The following SLAMF9 variants were observed in gnomAD, a reference collection of about 807,000 sequenced individuals.
SLAMF9 encodes SLAM family member 9.
SLAMF9 carries 25 observed loss-of-function variants against 30.4 expected under a neutral mutation model. That is an observed-to-expected ratio of 0.82 (90% CI 0.60 to 1.15). The LOEUF is 1.15. Among genes scored for constraint, SLAMF9 ranks in the 50% most tolerant of loss-of-function variants. The pLI, the probability that SLAMF9 is intolerant of heterozygous loss-of-function variation, is 0.00. For synonymous variants in SLAMF9, 129 were observed against 127.2 expected (o/e 1.01, Z -0.09); for missense variants, 344 against 346.1 (o/e 0.99, Z 0.05).
chr1:159,964,131 A>G, the SLAMF9 span, among the ~76,000 whole-genome samples: 1 of 152,228 alleles, frequency 6.6e-6, no homozygotes, highest in South Asian at 2.1e-4. Flanking sequence ...GGGAGAAAGC[A>G]GAGTGTGGCT....
chr1:159,955,326 C>A (rs1651899102), upstream of SLAMF9, among the ~76,000 whole-genome samples: 1 of 152,154 alleles, frequency 6.6e-6, no homozygotes, highest in African/African-American at 2.4e-5. Flanking sequence ...AGTATTCAAG[C>A]TAAGAGGACA....
chr1:159,961,815 G>A, the SLAMF9 span, among the ~76,000 whole-genome samples: 17 of 152,178 alleles, frequency 1.1e-4, no homozygotes, highest in East Asian at 3.9e-4. Context: ...ACTGCAGGCC[G>A]CTCACTGGGG....
chr1:159,968,777 A>C, the SLAMF9 span, among the ~76,000 whole-genome samples: 2 of 152,208 alleles, frequency 1.3e-5, no homozygotes, highest in Admixed American at 6.5e-5. Context: ...AGGCCCAGGC[A>C]CGGTGGCTCA....
At chr1:159,975,162 A>G in the SLAMF9 span, among the ~76,000 whole-genome samples, 1 of 152,232 alleles carries the variant, frequency 6.6e-6, no homozygotes, top group Non-Finnish European at 1.5e-5. Flanking sequence ...GGATTTATTC[A>G]TTATTCATTC....
chr1:159,960,081 T>A, the SLAMF9 span, among the ~76,000 whole-genome samples: 1 of 151,836 alleles, frequency 6.6e-6, no homozygotes. Context: ...TTGTTACATA[T>A]GTATACATGT....
chr1:159,958,820 T>C (rs1651982853), upstream of SLAMF9, among the ~76,000 whole-genome samples: 1 of 152,154 alleles, frequency 6.6e-6, no homozygotes, highest in Non-Finnish European at 1.5e-5. Flanking sequence ...CTTCAATTTT[T>C]TTCTCTCACT....
In SLAMF9 at chr1:159,953,408, T is replaced by C. The variant is rs1206104179; in HGVS notation, c.292A>G (p.Ser98Gly). ...CCTGAATCCTCCCAGCTCAGATTGC[T>C]GATATGCAGGGAATAGCTGGGGTCC... Reference protein sequence around the residue: ...FLDPSYSLHISNLSWEDSGLY... With the variant: ...FLDPSYSLHIGNLSWEDSGLY... The change falls in exon 2 of 4, where the codon AGC becomes GGC. Residue 98 changes from serine to glycine, a missense_variant. By Grantham distance (56) the Ser-to-Gly change is moderately conservative. Coordinates refer to ENST00000368093, the MANE Select transcript of SLAMF9 (RefSeq NM_033438.4). 6 of 1,614,134 alleles carry C rather than the reference T, an allele frequency of 3.7e-6. No homozygotes were observed. The highest frequency in any genetic ancestry group is 5.1e-6 in the Non-Finnish European group (6 of 1,180,036).
rs1255149041 is a variant in SLAMF9, at chr1:159,952,494, ACT to A, written c.430_431del (p.Ser144PhefsTer31). On this transcript the variant is annotated frameshift_variant, in exon 3 of 4. Transcript: ENST00000368093. LOFTEE classifies it high-confidence loss of function. ...SEPQITVNFESSGEGACSMSL... is the reference protein window; with the variant it reads ...SEPQITVNFEXSGEGACSMSL... ...ACATACTGCAGGCACCTTCCCCAGAACTCTCAAAGTTCACAGTGATCTGGGGC... is the reference window on the plus strand; with the variant it reads ...ACATACTGCAGGCACCTTCCCCAGAACTCAAAGTTCACAGTGATCTGGGGC... 4 of 1,613,846 alleles carry A rather than the reference ACT, an allele frequency of 2.5e-6. No individual in the cohort carries two copies. Among genetic ancestry groups the A allele is most frequent in the Non-Finnish European group, 3.4e-6 (4 of 1,179,952 alleles).
chr1:159,953,567 G>C lies in SLAMF9; in HGVS notation c.133C>G (p.Pro45Ala). The C allele has an allele frequency of 6.2e-7, 1 of 1,614,158 alleles. No individual in the cohort carries two copies. The change falls in exon 2 of 4, where the codon CCA becomes GCA. Residue 45 changes from proline (P) to alanine (A), a missense_variant. Pro to Ala is a conservative substitution (Grantham distance 27, BLOSUM62 -1). Transcript: ENST00000368093. Reference protein sequence around the residue: ...QESISLPLEIPPDEEVENIIW... With the variant: ...QESISLPLEIAPDEEVENIIW... Reference sequence around the variant, plus strand: ...ATGTTCTCAACCTCTTCATCTGGTGGTATTTCCAGGGGGAGGCTGATGGAC... The same window carrying C: ...ATGTTCTCAACCTCTTCATCTGGTGCTATTTCCAGGGGGAGGCTGATGGAC...
At chr1:159,978,371 C>T in the SLAMF9 span, among the ~76,000 whole-genome samples, 7 of 152,116 alleles carry the variant, frequency 4.6e-5, no homozygotes, top group East Asian at 1.9e-4. Flanking sequence ...CCAGATCTGA[C>T]GAGGTGGGTC....
At chr1:159,961,959 C>T in the SLAMF9 span, among the ~76,000 whole-genome samples, 1 of 151,384 alleles carries the variant, frequency 6.6e-6, no homozygotes. Context: ...GAGTTCGAGA[C>T]CAGCCCGGCC....
the SLAMF9 span, chr1:159,976,957 AAAG>A: frequency 2.3e-3 from 16 of 6,894 alleles, 1 homozygote; most frequent in African/African-American, 3.3e-3. Context: ...AGAAAGAAAG[AAAG>A]AGAAAGAAAG....
the SLAMF9 span, among the ~76,000 whole-genome samples, chr1:159,973,610 A>T: frequency 6.6e-6 from 1 of 152,130 alleles, no homozygotes; most frequent in Non-Finnish European, 1.5e-5. Context: ...CCCTGGCTAC[A>T]TGTGTCCCCC....
chr1:159,980,544 T>G, the SLAMF9 span: 1 of 152,106 alleles, frequency 6.6e-6, no homozygotes, highest in Non-Finnish European at 1.5e-5. Flanking sequence ...TACTGTTCAC[T>G]CTATTTTTTT....
At chr1:159,969,684 T>C in the SLAMF9 span, among the ~76,000 whole-genome samples, 28 of 152,352 alleles carry the variant, frequency 1.8e-4, no homozygotes, top group African/African-American at 6.7e-4. Context: ...AAATATTTCC[T>C]GGACAGGGGA....
At chr1:159,954,267 C>G (rs1041706163), upstream of SLAMF9, 1 of 1,009,178 alleles carries the variant, frequency 9.9e-7, no homozygotes, top group Non-Finnish European at 1.5e-6. Flanking sequence ...AAATAATTTT[C>G]CCCTGACTAC....
rs1651864616 is a variant in SLAMF9 at position 159,953,975 on chromosome 1, C to G, written c.46+117G>C. The G allele has an allele frequency of 6.2e-6, 8 of 1,283,200 alleles. No individual in the cohort carries two copies. The South Asian group carries it at 1.1e-4, about 17-fold the overall frequency. 79.5% of individuals were successfully genotyped at this position (1,283,200 alleles called of 1,614,324 possible). A position where few individuals can be genotyped will look rare whatever the true frequency, so the allele number is the denominator to read the frequency against. ...GCCACACACCCTACTCCTTGTAACT[C>G]CAGAAGAGCTGACACATTCAACCCC... On this transcript the variant is annotated intron_variant, in intron 1 of 3. Transcript: ENST00000368093.
chr1:159,968,714 C>T, the SLAMF9 span, among the ~76,000 whole-genome samples: 1 of 152,096 alleles, frequency 6.6e-6, no homozygotes, highest in Non-Finnish European at 1.5e-5. Context: ...TAGCAGCACA[C>T]CAACAATGGA....
the SLAMF9 span, chr1:159,961,193 G>A: frequency 1.3e-5 from 2 of 152,180 alleles, no homozygotes; most frequent in East Asian, 3.9e-4. Flanking sequence ...GAGCAATTAA[G>A]CCAATGAGAA....
Sources: allele counts gnomAD v4.1 joint callset (sites outside exome capture counted in the v4.1 genomes callset), GRCh38; gene constraint gnomAD v4.1.1; transcripts MANE v1.5; gene names NCBI Gene and HGNC (gene_info 2026-07-23, HGNC 2026-07-21).